XYLT1: variants seen among roughly 807,000 people sequenced by gnomAD.
XYLT1 encodes the protein beta-D-xylosyltransferase 1.
Under a neutral mutation model 91.3 loss-of-function variants are expected in XYLT1, and 36 were observed. That is an observed-to-expected ratio of 0.39 (90% CI 0.30 to 0.52). The LOEUF is 0.52. XYLT1 is among the 20% of genes least tolerant of loss of function. The pLI is 0.68. For missense variants in XYLT1, 1,242 were observed against 1,284.5 expected (o/e 0.97, Z 0.51); for synonymous variants, 588 against 532.0 (o/e 1.11, Z -1.45).
chr16:17,445,856 G>A (rs2036584858), intron 1 of XYLT1: 1 of 152,202 alleles, frequency 6.6e-6, no homozygotes. Context: ...ATTTTTAATG[G>A]GATAAAGAGG....
chr16:17,370,907 C>T (rs1206487654), intron 1 of XYLT1, among the ~76,000 whole-genome samples: 1 of 152,180 alleles, frequency 6.6e-6, no homozygotes, highest in Non-Finnish European at 1.5e-5. Context: ...GGCCCTCCTG[C>T]TTGCCACAGT....
In XYLT1 at chr16:17,121,976, A is replaced by G. The variant is rs988624049; in HGVS notation, c.2224-3997T>C. On this transcript the variant is annotated intron_variant, in intron 10 of 11. Coordinates refer to ENST00000261381, the MANE Select transcript of XYLT1 (RefSeq NM_022166.4). ...TATTCCATGGGGTATATATATATAT[A>G]TGCGCACACACACACACACACAATT... 7.9e-5 allele frequency among the ~76,000 whole-genome samples: 12 copies of G among 151,810 alleles called. 1 individual carries two copies. Among genetic ancestry groups the G allele is most frequent in the Admixed American group, 6.6e-4 (10 of 15,228 alleles).
chr16:17,283,179 C>G (rs978289549), intron 2 of XYLT1, among the ~76,000 whole-genome samples: 1 of 152,178 alleles, frequency 6.6e-6, no homozygotes, highest in Non-Finnish European at 1.5e-5. Flanking sequence ...CAGACTGGCA[C>G]GTCTGGAGGC....
chr16:17,424,531 A>G (rs1418532517), intron 1 of XYLT1, among the ~76,000 whole-genome samples: 3 of 152,160 alleles, frequency 2.0e-5, no homozygotes, highest in Non-Finnish European at 2.9e-5. Context: ...ATAAACCATG[A>G]CCGGGGAGTG....
intron 3 of XYLT1, among the ~76,000 whole-genome samples, chr16:17,241,194 T>C (rs2141734510): frequency 6.6e-6 from 1 of 152,346 alleles, no homozygotes; most frequent in South Asian, 2.1e-4. Context: ...GCCTTTTAAA[T>C]TACAGTTAAA....
intron 1 of XYLT1, among the ~76,000 whole-genome samples, chr16:17,438,609 AT>A (rs2036492344): frequency 6.6e-6 from 1 of 152,148 alleles, no homozygotes; most frequent in African/African-American, 2.4e-5. Flanking sequence ...AGACTGGATA[AT>A]TTATGAAGAA....
chr16:17,358,582 G>A (rs1199703779), intron 1 of XYLT1, among the ~76,000 whole-genome samples: 7 of 152,082 alleles, frequency 4.6e-5, no homozygotes, highest in Admixed American at 1.3e-4. Context: ...TTCCTCTCAC[G>A]CACAAGTGAT....
chr16:17,387,642 C>T (rs997614421), intron 1 of XYLT1, among the ~76,000 whole-genome samples: 4 of 152,114 alleles, frequency 2.6e-5, no homozygotes, highest in Non-Finnish European at 4.4e-5. Context: ...GCAAGGGAAC[C>T]GCTGCTACCC....
chr16:17,353,273 T>G (rs1365460846), intron 2 of XYLT1, among the ~76,000 whole-genome samples: 3 of 152,180 alleles, frequency 2.0e-5, no homozygotes, highest in African/African-American at 7.2e-5. Flanking sequence ...AAAGAGCTCC[T>G]TTATTATATC....
intron 2 of XYLT1, among the ~76,000 whole-genome samples, chr16:17,325,149 G>A (rs966295188): frequency 6.6e-6 from 1 of 152,188 alleles, no homozygotes; most frequent in Non-Finnish European, 1.5e-5. Context: ...TGTAATCCCA[G>A]CACTTTGGGA....
rs1166342114 is a variant in XYLT1 at position 17,108,551 on chromosome 16, CTTCCCT to C, written c.*138_*143del. On this transcript the variant is annotated 3_prime_UTR_variant, in exon 12 of 12. Coordinates refer to ENST00000261381, the MANE Select transcript of XYLT1 (RefSeq NM_022166.4). The stretch of plus-strand genomic sequence containing the variant: ...GCTGATCCTGCTTTGACCTGCTGAC[CTTCCCT>C]TTCCATCATTCTATGGCCAGGAGAG... 4.7e-6 allele frequency: 4 copies of C among 845,908 alleles called. No individual in the cohort carries two copies. The highest frequency in any genetic ancestry group is 3.1e-5 in the Admixed American group (1 of 31,880). The allele number at this position is 845,908 out of a possible 1,614,324, so 52.4% of individuals were successfully genotyped here. A position where few individuals can be genotyped will look rare whatever the true frequency, so the allele number is the denominator to read the frequency against.
intron 8 of XYLT1, 55 bp from the exon 9 acceptor site, chr16:17,134,790 G>C: frequency 1.9e-6 from 3 of 1,597,744 alleles, no homozygotes; most frequent in Non-Finnish European, 2.6e-6. Flanking sequence ...CTGGGGGTTG[G>C]GGGGAACCTA....
At chr16:17,252,739 G>A (rs527780876) in intron 3 of XYLT1, among the ~76,000 whole-genome samples, 6 of 152,160 alleles carry the variant, frequency 3.9e-5, no homozygotes, top group Admixed American at 1.3e-4. Flanking sequence ...GACAGAGAGC[G>A]TGAGGGACAG....
At chr16:17,287,230 C>G (rs1313711045) in intron 2 of XYLT1, among the ~76,000 whole-genome samples, 1 of 152,066 alleles carries the variant, frequency 6.6e-6, no homozygotes, top group Non-Finnish European at 1.5e-5. Flanking sequence ...CTCCATCACC[C>G]ACTCAGACAC....
intron 5 of XYLT1, among the ~76,000 whole-genome samples, chr16:17,161,075 G>A (rs2031537908): frequency 6.6e-6 from 1 of 152,170 alleles, no homozygotes; most frequent in African/African-American, 2.4e-5. Context: ...CCGGGCCGGG[G>A]CTCCTGGGCC....
At chr16:17,373,234 T>C (rs1304035640) in intron 1 of XYLT1, among the ~76,000 whole-genome samples, 1 of 152,100 alleles carries the variant, frequency 6.6e-6, no homozygotes, top group East Asian at 1.9e-4. Flanking sequence ...GCTTCTCAGA[T>C]CCCAAGCAAA....
At chr16:17,205,962 TG>T (rs2032635985) in intron 3 of XYLT1, among the ~76,000 whole-genome samples, 1 of 152,034 alleles carries the variant, frequency 6.6e-6, no homozygotes. Flanking sequence ...GAAACAAGGT[TG>T]TATGCAAATG....
chr16:17,453,903 A>C (rs1029380579), intron 1 of XYLT1, among the ~76,000 whole-genome samples: 27 of 152,256 alleles, frequency 1.8e-4, no homozygotes, highest in Non-Finnish European at 2.4e-4. Context: ...TCCCAAAAGC[A>C]ACTAAAGCAG....
At chr16:17,357,772 A>G (rs2035322080) in intron 2 of XYLT1, among the ~76,000 whole-genome samples, 2 of 152,238 alleles carry the variant, frequency 1.3e-5, no homozygotes, top group African/African-American at 2.4e-5. Flanking sequence ...GGTTCTCGCC[A>G]CAGGTGGGAG....
Sources: allele counts gnomAD v4.1 joint callset (sites outside exome capture counted in the v4.1 genomes callset), GRCh38; gene constraint gnomAD v4.1.1; transcripts MANE v1.5; gene names NCBI Gene and HGNC (gene_info 2026-07-23, HGNC 2026-07-21).